MYH9: variants seen among roughly 807,000 people sequenced by gnomAD.
The protein encoded by MYH9 is myosin-9.
Under a neutral mutation model 241.9 loss-of-function variants are expected in MYH9, and 29 were observed. That is an observed-to-expected ratio of 0.12 (90% CI 0.09 to 0.16). The LOEUF is 0.16. MYH9 is among the 10% of genes least tolerant of loss of function. The probability of loss-of-function intolerance (pLI) is 1.00; values close to 1 mark genes in which losing one functional copy is unlikely to be tolerated. For missense variants in MYH9, 1,803 were observed against 2,595.5 expected (o/e 0.69, Z 6.63); for synonymous variants, 1,047 against 1,062.6 (o/e 0.99, Z 0.29).
At position 36,318,314 on chromosome 22, in the gene MYH9, C is replaced by T. The variant is rs2017192597; in HGVS notation, c.1120G>A (p.Val374Met). The change falls in exon 11 of 41, where the codon GTG (valine) becomes ATG (methionine). Residue 374 changes from valine (V) to methionine (M), a missense_variant. Transcript: ENST00000216181. ...ACATTGATACCCAAGAGATGGGACA[C>T]CTTTTGGGCAGCTAAGATTTTTCAG... ...SMPDNTAAQK[V>M]SHLLGINVTD... 2 of 1,613,126 alleles carry T rather than the reference C, an allele frequency of 1.2e-6. No homozygotes were observed. Among genetic ancestry groups the T allele is most frequent in the Non-Finnish European group, 1.7e-6 (2 of 1,179,248 alleles).
At position 36,296,818 on chromosome 22, in the gene MYH9, T is replaced by G. The variant is rs755679646; in HGVS notation, c.3272+25A>C. ...AAGGGCTGGCCCAGGCCACCTGGCCTCAGGCGGGCAGGCGGGGTCCTCACC... is the reference window on the plus strand; with the variant it reads ...AAGGGCTGGCCCAGGCCACCTGGCCGCAGGCGGGCAGGCGGGGTCCTCACC... On this transcript the variant is annotated intron_variant, in intron 25 of 40. Transcript: ENST00000216181. 5 of 1,591,082 alleles carry G rather than the reference T, an allele frequency of 3.1e-6. No homozygotes were observed. The South Asian group carries it at 5.6e-5, about 18-fold the overall frequency.
intron 2 of MYH9, among the ~76,000 whole-genome samples, chr22:36,342,220 C>T (rs1335556866): frequency 2.0e-5 from 3 of 152,176 alleles, no homozygotes; most frequent in African/African-American, 7.2e-5. Context: ...CTAAAATATA[C>T]CCAATACTCC....
At chr22:36,314,393 G>C in intron 12 of MYH9, 75 bp from the exon 13 acceptor site, 1 of 1,569,602 alleles carries the variant, frequency 6.4e-7, no homozygotes, top group Non-Finnish European at 8.7e-7. Context: ...TTGAGAAGGA[G>C]GGTGGGGCAG....
Position 36,285,079 on chromosome 22 carries a change from T to G in MYH9, c.5483+42A>C, listed in dbSNP as rs1243624857. 6.9e-6 allele frequency: 11 copies of G among 1,599,370 alleles called. No individual in the cohort carries two copies. Among genetic ancestry groups the G allele is most frequent in the Non-Finnish European group, 9.4e-6 (11 of 1,170,134 alleles). On this transcript the variant is annotated intron_variant, in intron 38 of 40. Coordinates refer to ENST00000216181, the MANE Select transcript of MYH9 (RefSeq NM_002473.6). The surrounding 1 kb of genome is among the most constrained non-coding windows in gnomAD (Gnocchi z 7.0). ...CAGGACTGCAGGGGGGCCAGAGTTT[T>G]TTCCAGGACAGCTGGGGTTGGGCGG...
Position 36,314,193 on chromosome 22 carries a change from G to A in MYH9, c.1506C>T (p.Ile502=), listed in dbSNP as rs779557497. 10 of 1,614,236 alleles carry A rather than the reference G, an allele frequency of 6.2e-6. No individual in the cohort carries two copies. The South Asian group carries it at 7.7e-5, about 12-fold the overall frequency. The part of the protein sequence containing the change: ...YQREGIEWNF[I]DFGLDLQPCI... ...AGGGCTGCAGGTCGAGGCCAAAGTC[G>A]ATGAAGTTCCACTCGATGCCCTCGC... is the stretch of plus-strand genomic sequence containing the variant. The change falls in exon 13 of 41, where the codon ATC becomes ATT. Residue 502 remains isoleucine (I), a synonymous_variant. Transcript: ENST00000216181.
intron 18 of MYH9, 89 bp downstream of exon 18, chr22:36,304,944 T>G: frequency 3.1e-6 from 4 of 1,310,430 alleles, no homozygotes; most frequent in African/African-American, 1.5e-5. Context: ...CACCGACCAC[T>G]GATATAGCAA....
Position 36,329,578 on chromosome 22 carries a change from A to AGTC in MYH9, c.491-2093_491-2091dup, listed in dbSNP as rs2017390300. 6.6e-6 allele frequency among the ~76,000 whole-genome samples: 1 copy of AGTC among 152,204 alleles called. No homozygotes were observed. Among genetic ancestry groups the AGTC allele is most frequent in the South Asian group, 2.1e-4 (1 of 4,832 alleles). ...AAGAATGTACCTGCGAGTGCTGGCA[A>AGTC]GTCGTGAGCAGCCAACGGCCCAATG... On this transcript the variant is annotated intron_variant, in intron 3 of 40. Transcript: ENST00000216181. This position sits in a 1 kb window ranked among gnomAD's most constrained non-coding sequence, Gnocchi z 4.1.
intron 5 of MYH9, among the ~76,000 whole-genome samples, chr22:36,323,827 C>A (rs530602229): frequency 6.6e-6 from 1 of 152,340 alleles, no homozygotes; most frequent in Non-Finnish European, 1.5e-5. Flanking sequence ...CTAGTGCCCG[C>A]CCCTGAAGGA....
At chr22:36,311,630 T>C (rs562237403) in intron 14 of MYH9, among the ~76,000 whole-genome samples, 1 of 152,282 alleles carries the variant, frequency 6.6e-6, no homozygotes, top group Non-Finnish European at 1.5e-5. Context: ...TCCTGTATGG[T>C]GGGTGGTCAT....
intron 40 of MYH9, among the ~76,000 whole-genome samples, chr22:36,283,498 T>C (rs1453983323): frequency 1.3e-5 from 2 of 149,920 alleles, no homozygotes; most frequent in Admixed American, 1.3e-4. Flanking sequence ...GATTACACCA[T>C]TGCACTCCAG....
rs1405274741 is a variant in MYH9 at position 36,330,879 on chromosome 22, G to A, written c.491-3391C>T. 5.3e-5 allele frequency among the ~76,000 whole-genome samples: 8 copies of A among 152,130 alleles called. No homozygotes were observed. In the South Asian group the frequency reaches 6.2e-4, roughly 12 times the overall value. ...CCCCCTGCCAGATGAAAGTCTAGCC[G>A]TGGTAGGCGCCTGAACCCACTGCCC... On this transcript the variant is annotated intron_variant, in intron 3 of 40. Transcript: ENST00000216181. The surrounding 1 kb of genome is among the most constrained non-coding windows in gnomAD (Gnocchi z 4.5).
intron 1 of MYH9, among the ~76,000 whole-genome samples, chr22:36,351,424 C>T (rs1290228730): frequency 4.6e-5 from 7 of 152,270 alleles, no homozygotes; most frequent in South Asian, 2.1e-4. Context: ...ACTGCCTGGC[C>T]GCCCCTCGTC....
At chr22:36,346,186 G>A (rs565128213) in intron 2 of MYH9, among the ~76,000 whole-genome samples, 8 of 151,976 alleles carry the variant, frequency 5.3e-5, no homozygotes, top group Admixed American at 2.0e-4. Context: ...GGGTTGTAAA[G>A]GAGACTGTTC....
In MYH9 at chr22:36,293,369, T is replaced by C. The variant is rs760925312; in HGVS notation, c.4055A>G (p.Lys1352Arg). 3.7e-6 allele frequency: 6 copies of C among 1,613,984 alleles called. No homozygotes were observed. Among genetic ancestry groups the C allele is most frequent in the Middle Eastern group, 3.3e-4 (2 of 6,084 alleles). Reference sequence around the variant, plus strand: ...GGCGATCTGCTTCTCCAGGTTGTGCTTGGCCTCCTCCTCCTCCTCCAGCTG... The same window carrying C: ...GGCGATCTGCTTCTCCAGGTTGTGCCTGGCCTCCTCCTCCTCCTCCAGCTG... ...REQLEEEEEAKHNLEKQIATL... is the reference protein window; with the variant it reads ...REQLEEEEEARHNLEKQIATL... The change falls in exon 30 of 41, where the codon AAG becomes AGG. Residue 1352 changes from lysine to arginine, a missense_variant. Lys to Arg is a conservative substitution (Grantham distance 26). This residue lies in a region of MYH9 where 876 missense variants were observed against 1,077.8 expected (regional missense o/e 0.81). Transcript: ENST00000216181. This position sits in a 1 kb window ranked among gnomAD's most constrained non-coding sequence, Gnocchi z 5.1.
intron 1 of MYH9, among the ~76,000 whole-genome samples, chr22:36,387,422 G>A (rs1352446388): frequency 2.0e-5 from 3 of 152,194 alleles, no homozygotes; most frequent in Admixed American, 6.5e-5. Context: ...CCCGGAAGGG[G>A]TTAAAAAGTT....
intron 15 of MYH9, among the ~76,000 whole-genome samples, chr22:36,308,387 C>T (rs2017005481): frequency 6.6e-6 from 1 of 151,826 alleles, no homozygotes; most frequent in Non-Finnish European, 1.5e-5. Flanking sequence ...GCCTCAGCCT[C>T]CTGAGCAGCT....
chr22:36,365,750 C>T (rs978979605), intron 1 of MYH9, among the ~76,000 whole-genome samples: 3 of 152,138 alleles, frequency 2.0e-5, no homozygotes, highest in African/African-American at 4.8e-5. Flanking sequence ...CATGAGCCAC[C>T]GCACCCGGCC....
At chr22:36,325,913 G>T (rs971160014) in intron 5 of MYH9, among the ~76,000 whole-genome samples, 1 of 152,354 alleles carries the variant, frequency 6.6e-6, no homozygotes, top group Non-Finnish European at 1.5e-5. Context: ...GCTGCAGAAA[G>T]TGACAAGTGT....
chr22:36,290,985 G>A (rs1475148071), intron 31 of MYH9, among the ~76,000 whole-genome samples: 2 of 150,410 alleles, frequency 1.3e-5, no homozygotes, highest in East Asian at 2.0e-4. Flanking sequence ...GAGCCCCTCC[G>A]CCCGGCGGCC....
Sources: gnomAD v4.1 joint callset for allele counts (sites outside exome capture counted in the v4.1 genomes callset) on GRCh38, gnomAD v4.1.1 for gene constraint, gnomAD v4.1.1 regional missense constraint, Gnocchi (gnomAD v3.1) non-coding constraint, MANE v1.5 for transcripts, NCBI Gene and HGNC (gene_info 2026-07-23, HGNC 2026-07-21) for gene names.